RAD51B: variants seen among roughly 807,000 people sequenced by gnomAD.
RAD51B encodes the protein RAD51 paralog B.
Under a neutral mutation model 42.2 loss-of-function variants are expected in RAD51B, and 38 were observed. The observed-to-expected ratio is 0.90, with a 90% CI of 0.70 to 1.18. The LOEUF (loss-of-function observed/expected upper bound fraction) is 1.18. RAD51B is among the 50% of genes most tolerant of loss of function. RAD51B has a pLI of 0.00. For synonymous variants in RAD51B, 154 were observed against 145.2 expected (o/e 1.06, Z -0.43); for missense variants, 373 against 400.7 (o/e 0.93, Z 0.59).
At chr14:68,155,348 T>C (rs1408337534) in intron 7 of RAD51B, among the ~76,000 whole-genome samples, 2 of 151,968 alleles carry the variant, frequency 1.3e-5, no homozygotes, top group South Asian at 2.1e-4. Flanking sequence ...CCCGCCACCA[T>C]GCCCAGCTAA....
intron 9 of RAD51B, among the ~76,000 whole-genome samples, chr14:68,437,689 A>C (rs1004357731): frequency 1.3e-5 from 2 of 152,190 alleles, no homozygotes; most frequent in Non-Finnish European, 2.9e-5. Context: ...GTTTCCTTCT[A>C]TGAAGAGCCA....
At chr14:68,322,363 A>G (rs960060507) in intron 8 of RAD51B, among the ~76,000 whole-genome samples, 1 of 152,166 alleles carries the variant, frequency 6.6e-6, no homozygotes, top group African/African-American at 2.4e-5. Flanking sequence ...AAACTGACCA[A>G]TTATTTCCCA....
chr14:68,059,210 A>G (rs2076529727), intron 7 of RAD51B, among the ~76,000 whole-genome samples: 1 of 152,136 alleles, frequency 6.6e-6, no homozygotes, highest in African/African-American at 2.4e-5. Flanking sequence ...ATTCTGGCCT[A>G]CTTATAACAT....
intron 8 of RAD51B, among the ~76,000 whole-genome samples, chr14:68,303,724 C>T (rs983310523): frequency 6.6e-6 from 1 of 152,162 alleles, no homozygotes; most frequent in African/African-American, 2.4e-5. Flanking sequence ...ACCTTACCAA[C>T]CCAGGAGAGA....
rs184257606 is a variant in RAD51B at position 67,840,846 on chromosome 14, C to T, written c.315+5650C>T. ...TGGGACAGAGTCTCATTCTGTTGCC[C>T]AGCCCGGAGGGCAGTGGCACTTTTG... On this transcript the variant is annotated intron_variant, in intron 4 of 10. Coordinates refer to ENST00000471583, the MANE Select transcript of RAD51B (RefSeq NM_133510.4). Among the ~76,000 whole-genome samples the T allele has an allele frequency of 1.8e-4, 27 of 151,776 alleles. 1 individual carries two copies. In the East Asian group the frequency reaches 5.0e-3, roughly 28 times the overall value.
At chr14:68,013,712 ATTAT>A (rs1356393837) in intron 7 of RAD51B, among the ~76,000 whole-genome samples, 1 of 152,204 alleles carries the variant, frequency 6.6e-6, no homozygotes, top group Non-Finnish European at 1.5e-5. Context: ...CTTGTCTAGT[ATTAT>A]TTAAACATTA....
At chr14:68,043,831 T>C (rs2076254110) in intron 7 of RAD51B, among the ~76,000 whole-genome samples, 1 of 152,192 alleles carries the variant, frequency 6.6e-6, no homozygotes, top group Non-Finnish European at 1.5e-5. Context: ...GAAAGCCAAA[T>C]TGCCAAAGAT....
At chr14:68,645,462 T>C (rs1254054528) in intron 10 of RAD51B, among the ~76,000 whole-genome samples, 1 of 152,216 alleles carries the variant, frequency 6.6e-6, no homozygotes. Flanking sequence ...TGAACGTGGG[T>C]TTACAAAAAT....
At chr14:68,613,425 A>AG (rs1891748853), downstream of RAD51B, among the ~76,000 whole-genome samples, 1 of 151,616 alleles carries the variant, frequency 6.6e-6, no homozygotes, top group Non-Finnish European at 1.5e-5. Flanking sequence ...TCTCAAAAAA[A>AG]AAAAGATTGT....
At chr14:68,620,494 G>A (rs1302033480) in intron 10 of RAD51B, among the ~76,000 whole-genome samples, 11 of 152,188 alleles carry the variant, frequency 7.2e-5, no homozygotes. Context: ...ATTGGTTCAA[G>A]GCTTAGAGAG....
At chr14:68,054,048 A>G (rs1375053310) in intron 7 of RAD51B, among the ~76,000 whole-genome samples, 1 of 152,220 alleles carries the variant, frequency 6.6e-6, no homozygotes, top group Non-Finnish European at 1.5e-5. Context: ...CTTTATCCTT[A>G]AATGTTTCCA....
chr14:67,842,520 C>G (rs983403738), intron 4 of RAD51B, among the ~76,000 whole-genome samples: 9 of 152,182 alleles, frequency 5.9e-5, no homozygotes, highest in Admixed American at 5.9e-4. Context: ...TAGGCGTGCA[C>G]TACCACTCCC....
intron 10 of RAD51B, among the ~76,000 whole-genome samples, chr14:68,507,160 C>T (rs1227731356): frequency 6.6e-6 from 1 of 152,070 alleles, no homozygotes; most frequent in Non-Finnish European, 1.5e-5. Flanking sequence ...ATCCATAATT[C>T]CACTCATATA....
At chr14:68,452,071 G>A (rs2140188598) in intron 9 of RAD51B, among the ~76,000 whole-genome samples, 1 of 152,302 alleles carries the variant, frequency 6.6e-6, no homozygotes, top group African/African-American at 2.4e-5. Context: ...TGGACAGGAG[G>A]ACCCAGCTCT....
At chr14:67,893,380 G>T (rs987922138) in intron 7 of RAD51B, among the ~76,000 whole-genome samples, 8 of 151,538 alleles carry the variant, frequency 5.3e-5, no homozygotes, top group African/African-American at 1.7e-4. Flanking sequence ...CATTTGGGAA[G>T]CTAAGGCAGG....
chr14:68,615,427 G>A (rs1374044767), downstream of RAD51B, among the ~76,000 whole-genome samples: 4 of 151,646 alleles, frequency 2.6e-5, no homozygotes, highest in East Asian at 2.0e-4. Flanking sequence ...CTCACTGCAA[G>A]CTCTGCCTCC....
intron 7 of RAD51B, among the ~76,000 whole-genome samples, chr14:68,258,332 T>C (rs2080798989): frequency 6.6e-6 from 1 of 151,706 alleles, no homozygotes; most frequent in Non-Finnish European, 1.5e-5. Flanking sequence ...GCCTGCAAGG[T>C]TGAGGTTGTA....
At chr14:68,383,173 C>T (rs1566846538) in intron 8 of RAD51B, among the ~76,000 whole-genome samples, 1 of 152,150 alleles carries the variant, frequency 6.6e-6, no homozygotes, top group Non-Finnish European at 1.5e-5. Flanking sequence ...CTTTAAACAA[C>T]ATGAAAATAT....
chr14:68,048,711 G>A (rs2076342926), intron 7 of RAD51B, among the ~76,000 whole-genome samples: 1 of 152,212 alleles, frequency 6.6e-6, no homozygotes, highest in African/African-American at 2.4e-5. Flanking sequence ...GGAAACAACA[G>A]GTGCTGGAGA....
Sources: allele counts gnomAD v4.1 joint callset (sites outside exome capture counted in the v4.1 genomes callset), GRCh38; gene constraint gnomAD v4.1.1; transcripts MANE v1.5; gene names NCBI Gene and HGNC (gene_info 2026-07-23, HGNC 2026-07-21).